The following RALYL variants were observed in gnomAD, a reference collection of about 807,000 sequenced individuals.
The protein encoded by RALYL is RALY RNA binding protein like.
A neutral mutation model predicts 35.1 loss-of-function variants in RALYL; 29 were observed. The observed-to-expected ratio is 0.83, with a 90% confidence interval of 0.61 to 1.13. The LOEUF (loss-of-function observed/expected upper bound fraction) is 1.13, where lower values mean the gene tolerates loss of function less well. Ranked by LOEUF, RALYL falls within the 50% of genes most tolerant of loss-of-function variation. RALYL has a pLI of 0.00. For missense variants in RALYL, 359 were observed against 360.4 expected, an observed-to-expected ratio of 1.00 and a Z score of 0.03; for synonymous variants, 120 against 127.6, an observed-to-expected ratio of 0.94 and a Z score of 0.40.
At chr8:84,512,971 C>A (rs577787779) in intron 1 of RALYL, among the ~76,000 whole-genome samples, 2 of 152,078 alleles carry the variant, frequency 1.3e-5, no homozygotes, top group Non-Finnish European at 2.9e-5. Flanking sequence ...ATGTTTCCAA[C>A]TTTGTTCCTT....
chr8:84,258,200 T>C (rs1313821641), intron 1 of RALYL, among the ~76,000 whole-genome samples: 1 of 152,168 alleles, frequency 6.6e-6, no homozygotes, highest in African/African-American at 2.4e-5. Flanking sequence ...TCTTCCTTTA[T>C]CTGTTTGTCT....
chr8:84,843,912 C>T (rs1176271821), intron 4 of RALYL, among the ~76,000 whole-genome samples: 2 of 152,152 alleles, frequency 1.3e-5, no homozygotes, highest in Non-Finnish European at 2.9e-5. Flanking sequence ...ACTGGCTAGC[C>T]ATATGTAGAA....
chr8:84,589,261 C>G (rs1230900709), intron 2 of RALYL, among the ~76,000 whole-genome samples: 2 of 152,136 alleles, frequency 1.3e-5, no homozygotes, highest in Non-Finnish European at 2.9e-5. Context: ...TTCCAAGGAT[C>G]TGAAAGGGAT....
At chr8:84,589,952 T>C (rs1223230432) in intron 2 of RALYL, among the ~76,000 whole-genome samples, 1 of 152,246 alleles carries the variant, frequency 6.6e-6, no homozygotes. Context: ...GAGGATCTAA[T>C]TACTCAGAGA....
At chr8:84,439,022 T>TG (rs756268982) in intron 1 of RALYL, among the ~76,000 whole-genome samples, 67 of 152,266 alleles carry the variant, frequency 4.4e-4, no homozygotes, top group Non-Finnish European at 8.5e-4. Flanking sequence ...ATTAATGCAA[T>TG]GCCTTCAGCT....
intron 2 of RALYL, among the ~76,000 whole-genome samples, chr8:84,672,554 T>TA (rs1833471037): frequency 1.3e-5 from 2 of 152,214 alleles, no homozygotes; most frequent in Non-Finnish European, 2.9e-5. Context: ...TATGAAGAAC[T>TA]ACCCAAGACT....
At chr8:84,649,939 T>C (rs1828364904) in intron 2 of RALYL, among the ~76,000 whole-genome samples, 1 of 152,260 alleles carries the variant, frequency 6.6e-6, no homozygotes, top group Admixed American at 6.5e-5. Context: ...CATTTCTTTG[T>C]ATCCTCTTTT....
intron 8 of RALYL, among the ~76,000 whole-genome samples, chr8:84,901,590 CTT>C (rs1845695648): frequency 1.3e-5 from 2 of 152,044 alleles, no homozygotes; most frequent in Admixed American, 1.3e-4. Flanking sequence ...AAGGGTTTTT[CTT>C]TTATGAGAGG....
chr8:84,568,877 T>C (rs1807159026), intron 2 of RALYL, among the ~76,000 whole-genome samples: 2 of 151,834 alleles, frequency 1.3e-5, no homozygotes, highest in African/African-American at 2.4e-5. Flanking sequence ...TCATATCCTT[T>C]GCCCACTTGT....
intron 1 of RALYL, among the ~76,000 whole-genome samples, chr8:84,266,053 A>G (rs1232729259): frequency 2.0e-5 from 3 of 152,204 alleles, no homozygotes; most frequent in Admixed American, 6.5e-5. Flanking sequence ...CTTGACGTTA[A>G]TAGCCTCCTC....
chr8:84,352,806 G>A (rs1486533940), intron 1 of RALYL, among the ~76,000 whole-genome samples: 26 of 150,114 alleles, frequency 1.7e-4, no homozygotes, highest in Admixed American at 1.7e-3. Flanking sequence ...ATTTCCCCAT[G>A]TTGGCCATGG....
At chr8:84,527,162 G>C (rs2058964150) in intron 1 of RALYL, among the ~76,000 whole-genome samples, 1 of 152,126 alleles carries the variant, frequency 6.6e-6, no homozygotes, top group Non-Finnish European at 1.5e-5. Flanking sequence ...AAGAAAATTA[G>C]ATATATAGAT....
chr8:84,737,401 GAT>G (rs1847511476), intron 2 of RALYL, among the ~76,000 whole-genome samples: 1 of 151,706 alleles, frequency 6.6e-6, no homozygotes, highest in African/African-American at 2.4e-5. Context: ...TTTTAATGGA[GAT>G]ATTTTAGATT....
At chr8:84,880,382 C>T (rs1841966175) in intron 7 of RALYL, among the ~76,000 whole-genome samples, 1 of 152,008 alleles carries the variant, frequency 6.6e-6, no homozygotes, top group Non-Finnish European at 1.5e-5. Flanking sequence ...ATAACTCAAT[C>T]ACAGTCTTTC....
At chr8:84,731,230 A>C (rs763084160) in intron 2 of RALYL, among the ~76,000 whole-genome samples, 1 of 152,142 alleles carries the variant, frequency 6.6e-6, no homozygotes, top group Non-Finnish European at 1.5e-5. Flanking sequence ...GTAGAATAGG[A>C]GGCTGAGATC....
intron 4 of RALYL, among the ~76,000 whole-genome samples, chr8:84,835,738 A>C (rs1831885500): frequency 6.6e-6 from 1 of 151,708 alleles, no homozygotes; most frequent in South Asian, 2.1e-4. Flanking sequence ...AATATACCAC[A>C]TATGTTGATG....
chr8:84,293,768 C>A (rs1839229988), intron 1 of RALYL, among the ~76,000 whole-genome samples: 1 of 152,124 alleles, frequency 6.6e-6, no homozygotes, highest in African/African-American at 2.4e-5. Context: ...CATTTGTCAT[C>A]AAACATCCAT....
chr8:84,435,529 T>TA (rs1185899125), intron 1 of RALYL, among the ~76,000 whole-genome samples: 5 of 152,138 alleles, frequency 3.3e-5, no homozygotes, highest in African/African-American at 1.2e-4. Flanking sequence ...TCTAGAGACA[T>TA]ACATTAATGT....
chr8:84,796,030 G>A (rs191206355), intron 3 of RALYL, among the ~76,000 whole-genome samples: 9 of 152,260 alleles, frequency 5.9e-5, no homozygotes, highest in Non-Finnish European at 7.4e-5. Context: ...CACAGCTGGA[G>A]AAGGGATATG....
Sources: gnomAD v4.1 joint callset for allele counts (sites outside exome capture counted in the v4.1 genomes callset) on GRCh38, gnomAD v4.1.1 for gene constraint, MANE v1.5 for transcripts, NCBI Gene and HGNC (gene_info 2026-07-23, HGNC 2026-07-21) for gene names.